Variants in GRIK4 observed in about 807,000 individuals in gnomAD.
GRIK4 encodes glutamate ionotropic receptor kainate type subunit 4.
GRIK4 carries 40 observed loss-of-function variants against 104.9 expected under a neutral mutation model. The ratio of observed to expected loss-of-function variants is 0.38; its 90% CI spans 0.30 to 0.50. The LOEUF is 0.50. Ranked by LOEUF, GRIK4 falls within the 20% of genes least tolerant of loss-of-function variation. The pLI, the probability that GRIK4 is intolerant of heterozygous loss-of-function variation, is 0.93. For missense variants in GRIK4, 1,047 were observed against 1,308.1 expected (o/e 0.80, Z 3.08); for synonymous variants, 485 against 524.9 (o/e 0.92, Z 1.04).
At chr11:120,590,650 T>A (rs987261044) in intron 1 of GRIK4, among the ~76,000 whole-genome samples, 9 of 152,208 alleles carry the variant, frequency 5.9e-5, no homozygotes, top group African/African-American at 2.2e-4. Context: ...TCAGGCCTCT[T>A]CTTTGGGAAC....
chr11:120,885,092 C>G (rs964706096), intron 11 of GRIK4, among the ~76,000 whole-genome samples: 2 of 152,270 alleles, frequency 1.3e-5, no homozygotes, highest in African/African-American at 2.4e-5. Context: ...ACAAATGAAG[C>G]CAGGCATGGC....
At position 120,953,006 on chromosome 11, in the gene GRIK4, G is replaced by A. The variant is rs748228472; in HGVS notation, c.1700+42G>A. Reference sequence around the variant, plus strand: ...TTCCCTGTCCTTACACCGCCACCTCGTGTCCACCTCTGGGAACTGCATGGG... The same window carrying A: ...TTCCCTGTCCTTACACCGCCACCTCATGTCCACCTCTGGGAACTGCATGGG... On this transcript the variant is annotated intron_variant, in intron 15 of 20. Transcript: ENST00000527524. This position sits in a 1 kb window ranked among gnomAD's most constrained non-coding sequence, Gnocchi z 4.9. The A allele has an allele frequency of 2.7e-5, 35 of 1,300,430 alleles. No homozygotes were observed. Among genetic ancestry groups the A allele is most frequent in the East Asian group, 2.1e-4 (9 of 43,400 alleles). The allele number at this position is 1,300,430 out of a possible 1,614,324, so 80.6% of individuals were successfully genotyped here.
At chr11:120,610,970 G>A (rs1189323124) in intron 1 of GRIK4, among the ~76,000 whole-genome samples, 1 of 152,184 alleles carries the variant, frequency 6.6e-6, no homozygotes, top group Non-Finnish European at 1.5e-5. Flanking sequence ...AGCGCAGGAA[G>A]AGCCTTGAAA....
intron 4 of GRIK4, among the ~76,000 whole-genome samples, chr11:120,808,310 C>G (rs1184058887): frequency 6.6e-6 from 1 of 152,220 alleles, no homozygotes. Flanking sequence ...GTTCTCACTT[C>G]ATGAGGTTGT....
At chr11:120,709,020 T>A (rs1950678387) in intron 3 of GRIK4, among the ~76,000 whole-genome samples, 1 of 152,118 alleles carries the variant, frequency 6.6e-6, no homozygotes, top group Admixed American at 6.5e-5. Context: ...ACTGTATGGA[T>A]GTGAGATGTA....
intron 13 of GRIK4, among the ~76,000 whole-genome samples, chr11:120,920,647 C>T (rs1337580879): frequency 1.3e-5 from 2 of 151,588 alleles, no homozygotes; most frequent in African/African-American, 4.8e-5. Flanking sequence ...GTGGGGGTGT[C>T]TGAGCCCCCT....
At chr11:120,763,192 A>T (rs1170573027) in intron 3 of GRIK4, among the ~76,000 whole-genome samples, 1 of 152,088 alleles carries the variant, frequency 6.6e-6, no homozygotes, top group African/African-American at 2.4e-5. Context: ...TGTGTCCAGG[A>T]ATTTATCCAT....
rs915325955 is a variant in GRIK4, at chr11:120,893,620, T to C, written c.1165-4912T>C. ...GCCCAGCACAGAGCCCCTGTGAGTA[T>C]GGCGGGCACCAGTCATGTGCTAGAG... On this transcript the variant is annotated intron_variant, in intron 11 of 20. Transcript: ENST00000527524. Among the ~76,000 whole-genome samples, 6 of 152,328 alleles carry C rather than the reference T, an allele frequency of 3.9e-5. No individual in the cohort carries two copies. In the East Asian group the frequency reaches 1.2e-3, roughly 29 times the overall value.
chr11:120,941,255 A>G (rs1232892841), intron 14 of GRIK4, among the ~76,000 whole-genome samples: 2 of 152,180 alleles, frequency 1.3e-5, no homozygotes, highest in African/African-American at 4.8e-5. Context: ...CCAATACACT[A>G]GTCATTTTCA....
chr11:120,553,039 C>T (rs1948155059), intron 1 of GRIK4, among the ~76,000 whole-genome samples: 1 of 150,060 alleles, frequency 6.7e-6, no homozygotes, highest in Non-Finnish European at 1.5e-5. Flanking sequence ...GAGGAAGGGA[C>T]AAAGGATTGG....
chr11:120,928,988 T>TGCGCGC (rs1555096436), intron 13 of GRIK4, among the ~76,000 whole-genome samples: 1 of 118,470 alleles, frequency 8.4e-6, no homozygotes, highest in African/African-American at 2.7e-5. Context: ...TGTGTGTGTG[T>TGCGCGC]GCGCGCGTGC....
intron 3 of GRIK4, among the ~76,000 whole-genome samples, chr11:120,739,481 G>A (rs1224633119): frequency 6.6e-6 from 1 of 152,146 alleles, no homozygotes; most frequent in African/African-American, 2.4e-5. Context: ...GTGAGAGTCT[G>A]TACATTAGGA....
chr11:120,699,465 G>C (rs1182177067), intron 3 of GRIK4, among the ~76,000 whole-genome samples: 1 of 151,956 alleles, frequency 6.6e-6, no homozygotes, highest in Non-Finnish European at 1.5e-5. Flanking sequence ...TAGGCACTGA[G>C]CATAAATTGG....
intron 1 of GRIK4, among the ~76,000 whole-genome samples, chr11:120,530,925 A>G (rs1396422036): frequency 2.0e-5 from 3 of 152,162 alleles, no homozygotes; most frequent in Non-Finnish European, 4.4e-5. Context: ...GCTGGAGAAA[A>G]TGCCGGTTCA....
intron 3 of GRIK4, among the ~76,000 whole-genome samples, chr11:120,681,147 C>T (rs996667358): frequency 2.0e-5 from 3 of 152,122 alleles, no homozygotes; most frequent in Non-Finnish European, 4.4e-5. Flanking sequence ...GGGCTTTAGC[C>T]AGATGTCAGG....
intron 2 of GRIK4, among the ~76,000 whole-genome samples, chr11:120,655,730 T>C (rs550262299): frequency 3.5e-4 from 53 of 152,228 alleles, no homozygotes; most frequent in African/African-American, 5.1e-4. Flanking sequence ...TGGGGACTTA[T>C]TAAATGTGGG....
At chr11:120,664,678 A>G (rs189218025) in intron 3 of GRIK4, among the ~76,000 whole-genome samples, 3 of 152,352 alleles carry the variant, frequency 2.0e-5, no homozygotes. Context: ...CCATCACATT[A>G]AATACATTGT....
intron 3 of GRIK4, among the ~76,000 whole-genome samples, chr11:120,758,895 C>T (rs1283484308): frequency 6.6e-6 from 1 of 152,148 alleles, no homozygotes; most frequent in Non-Finnish European, 1.5e-5. Flanking sequence ...ACCTAATTGC[C>T]AGGCACTGTG....
At chr11:120,722,602 G>A (rs187842540) in intron 3 of GRIK4, among the ~76,000 whole-genome samples, 293 of 145,808 alleles carry the variant, frequency 2.0e-3, no homozygotes, top group African/African-American at 7.0e-3. Context: ...GTGACAAAGC[G>A]AGACTCCATC....
Sources: gnomAD v4.1 joint callset for allele counts (sites outside exome capture counted in the v4.1 genomes callset) on GRCh38, gnomAD v4.1.1 for gene constraint, Gnocchi (gnomAD v3.1) non-coding constraint, MANE v1.5 for transcripts, NCBI Gene and HGNC (gene_info 2026-07-23, HGNC 2026-07-21) for gene names.